The following DYNLRB2 variants were observed in gnomAD, a reference collection of about 807,000 sequenced individuals.
DYNLRB2 encodes the protein dynein light chain roadblock-type 2, also known as bithoraxoid-like protein.
A neutral mutation model predicts 12.6 loss-of-function variants in DYNLRB2; 14 were observed. The observed-to-expected ratio is 1.11, with a 90% CI of 0.73 to 1.73. The LOEUF is 1.73. Ranked by LOEUF, DYNLRB2 falls within the 40% of genes most tolerant of loss-of-function variation. DYNLRB2 has a pLI of 0.00. For synonymous variants in DYNLRB2, 53 were observed against 37.0 expected (o/e 1.43, Z -1.57); for missense variants, 142 against 117.7 (o/e 1.21, Z -0.95).
In DYNLRB2 at chr16:80,549,548, C is replaced by G. The variant is rs967161002; in HGVS notation, c.144C>G (p.His48Gln). The change falls in exon 3 of 4, where the codon CAC becomes CAG. Residue 48 changes from histidine to glutamine, a missense_variant. By Grantham distance (24) the His-to-Gln change is conservative (BLOSUM62 0). Coordinates refer to ENST00000305904, the MANE Select transcript of DYNLRB2 (RefSeq NM_130897.3). ...TTCAATATGCAGGCCTTCTTCATCA[C>G]CTGACAATGAAAGCCAAAAGCACAG... ...TTVQYAGLLH[H>Q]LTMKAKSTVR... 2 of 1,613,462 alleles carry G rather than the reference C, an allele frequency of 1.2e-6. No individual in the cohort carries two copies. The highest frequency in any genetic ancestry group is 1.3e-5 in the African/African-American group (1 of 75,050).
At position 80,541,098 on chromosome 16, in the gene DYNLRB2, T is replaced by C. The variant is rs1904283975; in HGVS notation, c.3+19T>C. On this transcript the variant is annotated intron_variant, in intron 1 of 3. Coordinates refer to ENST00000305904, the MANE Select transcript of DYNLRB2 (RefSeq NM_130897.3). ...CGCGATGGTAAATCTGGGGTCTCCGTCCACGCCCCGCCGTTCCAAGCACGC... is the reference window on the plus strand; with the variant it reads ...CGCGATGGTAAATCTGGGGTCTCCGCCCACGCCCCGCCGTTCCAAGCACGC... 6.3e-7 allele frequency: 1 copy of C among 1,597,474 alleles called. No homozygotes were observed. Among genetic ancestry groups the C allele is most frequent in the Non-Finnish European group, 8.5e-7 (1 of 1,170,126 alleles).
chr16:80,542,756 T>A (rs554368420), intron 1 of DYNLRB2, among the ~76,000 whole-genome samples: 5 of 152,326 alleles, frequency 3.3e-5, no homozygotes, highest in Admixed American at 3.3e-4. Context: ...AATACTTTGT[T>A]TTTATAGACT....
At chr16:80,542,337 A>T (rs1244345888) in intron 1 of DYNLRB2, among the ~76,000 whole-genome samples, 1 of 152,224 alleles carries the variant, frequency 6.6e-6, no homozygotes, top group East Asian at 1.9e-4. Flanking sequence ...AGAATCATGA[A>T]TCTAGTACAC....
At chr16:80,541,816 C>T (rs959544129) in intron 1 of DYNLRB2, among the ~76,000 whole-genome samples, 2 of 152,142 alleles carry the variant, frequency 1.3e-5, no homozygotes, top group African/African-American at 2.4e-5. Context: ...CTGTAAGAAG[C>T]TGTGGACATC....
chr16:80,540,975 G>C (rs1227199194), upstream of DYNLRB2: 1 of 1,573,832 alleles, frequency 6.4e-7, no homozygotes, highest in East Asian at 2.3e-5. Flanking sequence ...ACGCTTCCGT[G>C]GGGCCACTTC....
intron 2 of DYNLRB2, among the ~76,000 whole-genome samples, chr16:80,545,451 G>C (rs1904392939): frequency 6.6e-6 from 1 of 151,980 alleles, no homozygotes; most frequent in Admixed American, 6.6e-5. Flanking sequence ...AAAAAGCAGA[G>C]AACAAAGCGG....
chr16:80,549,655 AT>A lies in DYNLRB2; in HGVS notation c.247+7del, dbSNP rs1195071823. The A allele has an allele frequency of 6.3e-7, 1 of 1,578,846 alleles. No homozygotes were observed. The highest frequency in any genetic ancestry group is 1.3e-5 in the African/African-American group (1 of 74,270). On this transcript the variant is annotated splice_donor_5th_base_variant and intron_variant, in intron 3 of 3. Transcript: ENST00000305904. ...CATGAAATCATGGTAGCTCCAGGTA[AT>A]TTGGCATTTCATTTCCTAGTTAAAT...
intron 1 of DYNLRB2, among the ~76,000 whole-genome samples, chr16:80,542,018 A>C (rs1435213371): frequency 2.6e-5 from 4 of 152,218 alleles, no homozygotes; most frequent in African/African-American, 9.6e-5. Flanking sequence ...CAGACTACAT[A>C]CAGGAGAAAA....
chr16:80,550,806 T>A lies in DYNLRB2; in HGVS notation c.*248T>A. The A allele has an allele frequency of 3.9e-6, 2 of 514,526 alleles. No homozygotes were observed. Among genetic ancestry groups the A allele is most frequent in the Non-Finnish European group, 6.9e-6 (2 of 291,578 alleles). The allele number at this position is 514,526 out of a possible 1,614,324, so 31.9% of individuals were successfully genotyped here. ...TTATAATACACAAAACCAAGGATTC[T>A]ACTAAGACAGCGCTCCTTGTGATAA... is the stretch of plus-strand genomic sequence containing the variant. On this transcript the variant is annotated 3_prime_UTR_variant, in exon 4 of 4. Coordinates refer to ENST00000305904, the MANE Select transcript of DYNLRB2 (RefSeq NM_130897.3).
At chr16:80,547,755 A>C in intron 2 of DYNLRB2, 1 of 455,824 alleles carries the variant, frequency 2.2e-6, no homozygotes, top group Non-Finnish European at 4.4e-6. Flanking sequence ...CTGCTTGTTA[A>C]AGATCCACGC....
Position 80,541,056 on chromosome 16 carries a change from C to T in DYNLRB2, c.-21C>T, listed in dbSNP as rs562865294. The T allele has an allele frequency of 1.6e-5, 25 of 1,608,108 alleles. No homozygotes were observed. In the South Asian group the frequency reaches 2.4e-4, roughly 16 times the overall value. On this transcript the variant is annotated 5_prime_UTR_variant, in exon 1 of 4. Transcript: ENST00000305904. ...GGAGGCTGTGCCGCCGGCCTGAGCCCAGAGTTTCGCGGCCTCCGCGATGGT... is the reference window on the plus strand; with the variant it reads ...GGAGGCTGTGCCGCCGGCCTGAGCCTAGAGTTTCGCGGCCTCCGCGATGGT...
At chr16:80,543,198 C>G in intron 1 of DYNLRB2, 78 bp from the exon 2 acceptor site, 1 of 1,411,198 alleles carries the variant, frequency 7.1e-7, no homozygotes, top group South Asian at 1.2e-5. Flanking sequence ...GAGTAGGTAT[C>G]TTGCTAAACA....
intron 2 of DYNLRB2, among the ~76,000 whole-genome samples, chr16:80,547,300 G>A (rs1904534417): frequency 6.6e-6 from 1 of 152,184 alleles, no homozygotes; most frequent in African/African-American, 2.4e-5. Flanking sequence ...GACCTAGAAT[G>A]TCTCTAGAAG....
At chr16:80,541,280 T>C (rs1277174609) in intron 1 of DYNLRB2, 16 of 958,638 alleles carry the variant, frequency 1.7e-5, no homozygotes, top group Non-Finnish European at 1.9e-5. Flanking sequence ...CTGGAAGCTG[T>C]TTTGGGAATT....
At chr16:80,540,921 T>C, upstream of DYNLRB2, 7 of 1,384,896 alleles carry the variant, frequency 5.1e-6, no homozygotes, top group Middle Eastern at 1.7e-4. Context: ...AGGAGCGCGG[T>C]CAGGGCGAAA....
intron 1 of DYNLRB2, 36 bp from the exon 2 acceptor site, chr16:80,543,240 G>A (rs1227236499): frequency 1.2e-6 from 2 of 1,605,246 alleles, no homozygotes; most frequent in African/African-American, 2.7e-5. Flanking sequence ...TTACCACAGG[G>A]CCCTTTTGGT....
In DYNLRB2 at chr16:80,549,506, G is replaced by A; in HGVS notation, c.102G>A (p.Leu34=). The part of the protein sequence containing the change: ...NAEGIPIRTT[L]DNSTTVQYAG... ...TAGGTATTCCCATCCGAACAACCTT[G>A]GACAACTCAACAACTGTTCAATATG... Residue 34 remains leucine, a synonymous_variant, in exon 3 of 4, where the codon TTG becomes TTA. Coordinates refer to ENST00000305904, the MANE Select transcript of DYNLRB2 (RefSeq NM_130897.3). 1 of 1,609,372 alleles carries A rather than the reference G, an allele frequency of 6.2e-7. No homozygotes were observed. Among genetic ancestry groups the A allele is most frequent in the Non-Finnish European group, 8.5e-7 (1 of 1,177,122 alleles).
At chr16:80,541,909 G>A (rs1904291815) in intron 1 of DYNLRB2, among the ~76,000 whole-genome samples, 2 of 152,200 alleles carry the variant, frequency 1.3e-5, no homozygotes, top group East Asian at 1.9e-4. Flanking sequence ...CTCAAAGTCA[G>A]ATGCAAACAT....
intron 2 of DYNLRB2, 130 bp downstream of exon 2, chr16:80,543,481 T>C (rs1189744121): frequency 1.2e-6 from 1 of 836,018 alleles, no homozygotes; most frequent in African/African-American, 1.7e-5. Flanking sequence ...AGCTCTGGCA[T>C]TCACTTACCA....
Sources: allele counts gnomAD v4.1 joint callset (sites outside exome capture counted in the v4.1 genomes callset), GRCh38; gene constraint gnomAD v4.1.1; transcripts MANE v1.5; gene names NCBI Gene and HGNC (gene_info 2026-07-23, HGNC 2026-07-21).